The following OVCH1 variants were observed in gnomAD, a reference collection of about 807,000 sequenced individuals.
OVCH1 encodes ovochymase 1, also known as ovochymase-1.
OVCH1 carries 139 observed loss-of-function variants against 138.4 expected under a neutral mutation model. That is an observed-to-expected ratio of 1.00 (90% CI 0.87 to 1.16). The LOEUF is 1.16. Among genes scored for constraint, OVCH1 ranks in the 50% most tolerant of loss-of-function variants. OVCH1 has a pLI of 0.00. For missense variants in OVCH1, 1,367 were observed against 1,357.9 expected, an observed-to-expected ratio of 1.01 and a Z score of -0.11; for synonymous variants, 453 against 467.8, an observed-to-expected ratio of 0.97 and a Z score of 0.41.
At chr12:29,414,369 A>T (rs1444945423) in intron 3 of OVCH1, among the ~76,000 whole-genome samples, 5 of 152,116 alleles carry the variant, frequency 3.3e-5, no homozygotes, top group Non-Finnish European at 7.4e-5. Context: ...CCAGATTATG[A>T]TCACATCAAC....
intron 19 of OVCH1, among the ~76,000 whole-genome samples, chr12:29,457,022 C>T (rs1395428486): frequency 6.6e-6 from 1 of 152,120 alleles, no homozygotes; most frequent in Non-Finnish European, 1.5e-5. Flanking sequence ...ATTGCTGGTA[C>T]ATATTTGAAA....
downstream of OVCH1, among the ~76,000 whole-genome samples, chr12:29,407,773 T>C (rs1565557482): frequency 6.6e-6 from 1 of 151,708 alleles, no homozygotes; most frequent in Non-Finnish European, 1.5e-5. Flanking sequence ...TGGTTTAGGA[T>C]TGACTTGGCT....
At chr12:29,489,458 C>G (rs1490465861) in intron 6 of OVCH1, among the ~76,000 whole-genome samples, 162 bp downstream of exon 6, 2 of 152,090 alleles carry the variant, frequency 1.3e-5, no homozygotes, top group Non-Finnish European at 2.9e-5. Context: ...ATTCTTTCTG[C>G]TCAGGTCAAG....
chr12:29,406,640 A>AT, the OVCH1 span, among the ~76,000 whole-genome samples: 1 of 149,492 alleles, frequency 6.7e-6, no homozygotes, highest in South Asian at 2.2e-4. Flanking sequence ...TGAACTCATC[A>AT]TTTTTTATGG....
At chr12:29,474,970 T>G (rs1942651266) in intron 14 of OVCH1, 91 bp downstream of exon 14, 1 of 1,366,592 alleles carries the variant, frequency 7.3e-7, no homozygotes, top group Non-Finnish European at 9.8e-7. Flanking sequence ...AGGGGATTGC[T>G]ATACTACATT....
In OVCH1 at chr12:29,482,425, C is replaced by A. The variant is rs185506830; in HGVS notation, c.996-3517G>T. Reference sequence around the variant, plus strand: ...TTGTATACTTTCATTCTCCACCCCCCTTTCTTGCCTTATTTTTTGATATAG... The same window carrying A: ...TTGTATACTTTCATTCTCCACCCCCATTTCTTGCCTTATTTTTTGATATAG... On this transcript the variant is annotated intron_variant, in intron 8 of 27. Coordinates refer to ENST00000318184, the Ensembl canonical transcript of OVCH1. Among the ~76,000 whole-genome samples the A allele has an allele frequency of 1.9e-3, 286 of 152,226 alleles. 2 individuals carry two copies. Among genetic ancestry groups the A allele is most frequent in the Middle Eastern group, 0.01 (3 of 294 alleles).
At chr12:29,444,159 G>T in exon 24 of OVCH1, 2 of 1,607,186 alleles carry the variant, frequency 1.2e-6, no homozygotes, top group Non-Finnish European at 1.7e-6. Context: ...TAGTAGTTCT[G>T]TGAGAATTTC....
intron 24 of OVCH1, 148 bp downstream of exon 24, chr12:29,443,997 A>T: frequency 1.2e-6 from 1 of 809,786 alleles, no homozygotes; most frequent in Non-Finnish European, 1.8e-6. Context: ...TTTCCATATT[A>T]AAAGCCATAG....
At chr12:29,440,287 G>T (rs11050231) in intron 25 of OVCH1, among the ~76,000 whole-genome samples, 31,099 of 151,974 alleles carry the variant, frequency 0.2, 4,039 homozygotes, top group African/African-American at 0.37. Context: ...GAAAACAGTA[G>T]GTTTTATGAA....
chr12:29,490,191 G>C (rs779939152), intron 5 of OVCH1, among the ~76,000 whole-genome samples: 2 of 152,060 alleles, frequency 1.3e-5, no homozygotes, highest in African/African-American at 2.4e-5. Flanking sequence ...AGTTTCCCAA[G>C]TAGCTGGGAC....
intron 18 of OVCH1, among the ~76,000 whole-genome samples, chr12:29,462,369 T>C (rs1376337816): frequency 2.0e-5 from 3 of 151,238 alleles, no homozygotes; most frequent in South Asian, 2.1e-4. Flanking sequence ...CAATTATAAA[T>C]ATATATGGTT....
At chr12:29,449,814 A>T (rs947946557) in intron 22 of OVCH1, among the ~76,000 whole-genome samples, 1 of 152,176 alleles carries the variant, frequency 6.6e-6, no homozygotes, top group African/African-American at 2.4e-5. Flanking sequence ...ACCAAAACAG[A>T]TATATAGACC....
At chr12:29,443,835 G>C (rs1452363241) in intron 24 of OVCH1, among the ~76,000 whole-genome samples, 1 of 151,940 alleles carries the variant, frequency 6.6e-6, no homozygotes, top group Non-Finnish European at 1.5e-5. Context: ...CATTTATTAA[G>C]TATCTACTAT....
intron 7 of OVCH1, chr12:29,487,081 T>A: frequency 3.0e-6 from 1 of 336,578 alleles, no homozygotes; most frequent in Non-Finnish European, 6.0e-6. Flanking sequence ...GAGAAAGCGA[T>A]GGAGGATGGA....
intron 27 of OVCH1, among the ~76,000 whole-genome samples, chr12:29,430,342 G>A (rs1592031587): frequency 6.6e-6 from 1 of 152,218 alleles, no homozygotes; most frequent in South Asian, 2.1e-4. Context: ...GGTCGAATGG[G>A]GAGGAACAGG....
Position 29,451,322 on chromosome 12 carries a change from G to C in OVCH1, c.2755+23C>G, listed in dbSNP as rs1166024699. ...CATGGACCAAGACTCCTAGCACGAA[G>C]TTTATATGCCAGGAAGGATTACCTG... On this transcript the variant is annotated intron_variant, in intron 22 of 27. Coordinates refer to ENST00000318184, the Ensembl canonical transcript of OVCH1. 3 of 1,588,068 alleles carry C rather than the reference G, an allele frequency of 1.9e-6. No homozygotes were observed. The African/African-American group carries it at 4.0e-5, about 21-fold the overall frequency.
intron 3 of OVCH1, among the ~76,000 whole-genome samples, chr12:29,422,490 C>G (rs1565563254): frequency 6.6e-6 from 1 of 152,122 alleles, no homozygotes; most frequent in Admixed American, 6.5e-5. Flanking sequence ...AAGAGGACCT[C>G]CTACTAACAA....
chr12:29,461,451 T>A (rs1379706314), intron 19 of OVCH1, among the ~76,000 whole-genome samples: 1 of 152,228 alleles, frequency 6.6e-6, no homozygotes, highest in Non-Finnish European at 1.5e-5. Flanking sequence ...GTACAGAGAT[T>A]AATGATAATT....
intron 26 of OVCH1, among the ~76,000 whole-genome samples, chr12:29,437,476 T>G (rs1269806825): frequency 6.6e-6 from 1 of 152,168 alleles, no homozygotes; most frequent in Non-Finnish European, 1.5e-5. Flanking sequence ...TGAATTATCA[T>G]AAGGGTGATA....
Sources: gnomAD v4.1 joint callset for allele counts (sites outside exome capture counted in the v4.1 genomes callset) on GRCh38, gnomAD v4.1.1 for gene constraint, MANE v1.5 for transcripts, NCBI Gene and HGNC (gene_info 2026-07-23, HGNC 2026-07-21) for gene names.